SLC22A24: variants seen among roughly 807,000 people sequenced by gnomAD.
SLC22A24 encodes solute carrier family 22 member 24, also known as steroid transmembrane transporter SLC22A24.
Under a neutral mutation model 49.8 loss-of-function variants are expected in SLC22A24, and 53 were observed. The observed-to-expected ratio is 1.06, with a 90% CI of 0.85 to 1.34. The LOEUF (loss-of-function observed/expected upper bound fraction) is 1.34, where lower values mean the gene tolerates loss of function less well. SLC22A24 is among the 40% of genes most tolerant of loss of function. SLC22A24 has a pLI of 0.00. For synonymous variants in SLC22A24, 302 were observed against 256.4 expected, an observed-to-expected ratio of 1.18 and a Z score of -1.70; for missense variants, 786 against 675.9, an observed-to-expected ratio of 1.16 and a Z score of -1.81.
At chr11:63,113,972 C>A (rs1306107213) in intron 4 of SLC22A24, among the ~76,000 whole-genome samples, 1 of 152,000 alleles carries the variant, frequency 6.6e-6, no homozygotes, top group African/African-American at 2.4e-5. Context: ...GTAACCCGAC[C>A]TTTCTCTCTG....
intron 6 of SLC22A24, among the ~76,000 whole-genome samples, chr11:63,089,201 C>T (rs1286449866): frequency 6.6e-6 from 1 of 152,190 alleles, no homozygotes; most frequent in African/African-American, 2.4e-5. Flanking sequence ...AAGGGAACCC[C>T]ATCAGACTAA....
At chr11:63,112,617 G>A (rs1245883990) in intron 4 of SLC22A24, among the ~76,000 whole-genome samples, 1 of 151,968 alleles carries the variant, frequency 6.6e-6, no homozygotes, top group Non-Finnish European at 1.5e-5. Flanking sequence ...ATCTCCTTCA[G>A]TTGTGCTCAG....
intron 2 of SLC22A24, among the ~76,000 whole-genome samples, chr11:63,130,664 T>G (rs1375063020): frequency 6.6e-6 from 1 of 152,240 alleles, no homozygotes; most frequent in Non-Finnish European, 1.5e-5. Flanking sequence ...CCATTATTGT[T>G]CTATTCAGAG....
chr11:63,116,152 T>G (rs902909669), intron 4 of SLC22A24: 14 of 420,646 alleles, frequency 3.3e-5, no homozygotes, highest in African/African-American at 2.5e-4. Context: ...CTCATGGCCT[T>G]GGCATTGTTG....
Position 63,081,099 on chromosome 11 carries a change from T to A in SLC22A24, c.1419A>T (p.Ala473=), listed in dbSNP as rs867791453. ...GTGCTGCCCCAGTCCTACCGGACAC[T>A]GCATTGATTCCTGCAACTGTTGACC... ...ILRSTVAGIN[A]VSGRTGAALA... is the part of the protein sequence containing the mutation. The change falls in exon 9 of 10, where the codon GCA becomes GCT. Residue 473 remains alanine (A), a synonymous_variant. Transcript: ENST00000612278. 4 of 1,551,614 alleles carry A rather than the reference T, an allele frequency of 2.6e-6. No individual in the cohort carries two copies. The highest frequency in any genetic ancestry group is 1.7e-4 in the Middle Eastern group (1 of 5,988).
At chr11:63,107,878 A>G (rs2087132457) in intron 4 of SLC22A24, among the ~76,000 whole-genome samples, 1 of 152,124 alleles carries the variant, frequency 6.6e-6, no homozygotes, top group Non-Finnish European at 1.5e-5. Flanking sequence ...GTCATCTGCA[A>G]ACATGGACAA....
At chr11:63,092,611 T>A in intron 6 of SLC22A24, among the ~76,000 whole-genome samples, 1 of 143,938 alleles carries the variant, frequency 6.9e-6, no homozygotes, top group Non-Finnish European at 1.5e-5. Flanking sequence ...CCTATTTAAT[T>A]AATGTGCTGG....
At chr11:63,134,583 A>C in intron 2 of SLC22A24, 82 bp downstream of exon 2, 8 of 791,908 alleles carry the variant, frequency 1.0e-5, no homozygotes, top group Non-Finnish European at 1.7e-5. Flanking sequence ...GTATACAGTA[A>C]GAGCTCAGTA....
intron 7 of SLC22A24, among the ~76,000 whole-genome samples, chr11:63,082,584 G>A (rs780428465): frequency 2.6e-5 from 4 of 152,080 alleles, no homozygotes; most frequent in Non-Finnish European, 5.9e-5. Context: ...AGAGAGGCTG[G>A]GTCAGCTTCT....
At chr11:63,084,466 C>T (rs979391654) in intron 6 of SLC22A24, among the ~76,000 whole-genome samples, 4 of 152,148 alleles carry the variant, frequency 2.6e-5, no homozygotes, top group South Asian at 2.1e-4. Context: ...TAAGGCAATG[C>T]AAAGCCAAAT....
intron 1 of SLC22A24, among the ~76,000 whole-genome samples, chr11:63,141,141 T>G (rs2087412958): frequency 6.6e-6 from 1 of 152,200 alleles, no homozygotes; most frequent in Admixed American, 6.5e-5. Context: ...TATAAAAATC[T>G]TATCTTATGG....
intron 4 of SLC22A24, among the ~76,000 whole-genome samples, chr11:63,107,365 T>C (rs1450520307): frequency 6.6e-6 from 1 of 152,204 alleles, no homozygotes; most frequent in African/African-American, 2.4e-5. Flanking sequence ...TCAGGTAGTG[T>C]GATGCCTCCA....
rs2087107546 is a variant in SLC22A24, at chr11:63,104,270, T to C, written c.859A>G (p.Ile287Val). The C allele has an allele frequency of 1.3e-6, 2 of 1,550,336 alleles. No homozygotes were observed. The highest frequency in any genetic ancestry group is 1.4e-5 in the African/African-American group (1 of 72,978). The change falls in exon 5 of 10, where the codon ATT becomes GTT. Residue 287 changes from isoleucine (I) to valine (V), a missense_variant. Ile to Val is a conservative substitution (Grantham distance 29). Coordinates refer to ENST00000612278, the MANE Select transcript of SLC22A24 (RefSeq NM_001136506.2). ...WKMVESARWL[I>V]INNQLDEGLK... The stretch of plus-strand genomic sequence containing the variant: ...CCCTCATCTAGCTGATTGTTGATAA[T>C]CAGCCACCGAGCAGACTCCACCATC...
intron 2 of SLC22A24, among the ~76,000 whole-genome samples, chr11:63,122,675 C>T (rs2087260347): frequency 6.6e-6 from 1 of 152,014 alleles, no homozygotes; most frequent in Non-Finnish European, 1.5e-5. Flanking sequence ...TCACCATGCC[C>T]AGCTAGTTTT....
At chr11:63,113,029 A>AT (rs1565331969) in intron 4 of SLC22A24, among the ~76,000 whole-genome samples, 6 of 50,900 alleles carry the variant, frequency 1.2e-4, no homozygotes, top group Admixed American at 5.2e-4. Context: ...AAAAAAAAAA[A>AT]AAAAAAATAT....
chr11:63,107,967 T>C (rs1364018479), intron 4 of SLC22A24, among the ~76,000 whole-genome samples: 1 of 152,108 alleles, frequency 6.6e-6, no homozygotes, highest in African/African-American at 2.4e-5. Flanking sequence ...CTTCCAACAC[T>C]ATGTTGAATA....
At chr11:63,082,052 T>C (rs1398108514) in intron 7 of SLC22A24, among the ~76,000 whole-genome samples, 1 of 152,210 alleles carries the variant, frequency 6.6e-6, no homozygotes, top group South Asian at 2.1e-4. Flanking sequence ...TTCTATGTAA[T>C]ATTTTCTGTG....
In SLC22A24 at chr11:63,081,625, C is replaced by G; in HGVS notation, c.1327G>C (p.Gly443Arg). ...LRVVLATLGI[G>R]SVSAASNSAS... ...CTGTTGCTAGCAGCAGAAACACTAC[C>G]AATTCCCAAAGTTGCTAAAACCACA... Residue 443 changes from glycine to arginine, a missense_variant, in exon 8 of 10, where the codon GGT becomes CGT. By Grantham distance (125) the Gly-to-Arg change is moderately radical (BLOSUM62 -2). Coordinates refer to ENST00000612278, the MANE Select transcript of SLC22A24 (RefSeq NM_001136506.2). The G allele has an allele frequency of 1.3e-6, 2 of 1,551,572 alleles. No homozygotes were observed. Among genetic ancestry groups the G allele is most frequent in the Non-Finnish European group, 1.7e-6 (2 of 1,146,888 alleles).
Position 63,143,795 on chromosome 11 carries a change from G to C in SLC22A24, c.-16C>G. ...CAAAGCCCATTGAGACTGAACAGGTGATCCCCAAGAGGAAGCACAATGACT... is the reference window on the plus strand; with the variant it reads ...CAAAGCCCATTGAGACTGAACAGGTCATCCCCAAGAGGAAGCACAATGACT... On this transcript the variant is annotated 5_prime_UTR_variant, in exon 1 of 10. The change creates a new upstream start codon in the 5' untranslated region. Transcript: ENST00000612278. 7.4e-7 allele frequency: 1 copy of C among 1,360,260 alleles called. No homozygotes were observed. Among genetic ancestry groups the C allele is most frequent in the Non-Finnish European group, 9.5e-7 (1 of 1,051,788 alleles). The allele number at this position is 1,360,260 out of a possible 1,614,324, so 84.3% of individuals were successfully genotyped here.
Sources: gnomAD v4.1 joint callset for allele counts (sites outside exome capture counted in the v4.1 genomes callset) on GRCh38, gnomAD v4.1.1 for gene constraint, MANE v1.5 for transcripts, NCBI Gene and HGNC (gene_info 2026-07-23, HGNC 2026-07-21) for gene names.